The following ZMYND8 variants were observed in gnomAD, a reference collection of about 807,000 sequenced individuals.
ZMYND8 encodes the protein zinc finger MYND-type containing 8, also known as MYND-type zinc finger-containing chromatin reader ZMYND8.
Under a neutral mutation model 140.8 loss-of-function variants are expected in ZMYND8, and 37 were observed. The ratio of observed to expected loss-of-function variants is 0.26; its 90% confidence interval spans 0.20 to 0.35. The LOEUF (loss-of-function observed/expected upper bound fraction) is 0.35, where lower values mean the gene tolerates loss of function less well. Among genes scored for constraint, ZMYND8 ranks in the 10% least tolerant of loss-of-function variants. The pLI is 1.00. For synonymous variants in ZMYND8, 592 were observed against 597.1 expected (o/e 0.99, Z 0.12); for missense variants, 1,068 against 1,570.0 (o/e 0.68, Z 5.40).
chr20:47,237,154 T>TC (rs1306257722), intron 15 of ZMYND8, among the ~76,000 whole-genome samples: 1 of 145,330 alleles, frequency 6.9e-6, no homozygotes, highest in East Asian at 2.0e-4. Flanking sequence ...AGCGCTCTTT[T>TC]TTTTTTTTTT....
intron 12 of ZMYND8, among the ~76,000 whole-genome samples, chr20:47,252,275 G>A (rs1200633209): frequency 8.6e-6 from 1 of 116,300 alleles, no homozygotes; most frequent in Non-Finnish European, 1.6e-5. Context: ...CTGGGCGACA[G>A]AGCAAGACTC....
At chr20:47,338,935 C>T (rs1005802262) in intron 2 of ZMYND8, among the ~76,000 whole-genome samples, 3 of 151,786 alleles carry the variant, frequency 2.0e-5, no homozygotes, top group African/African-American at 7.3e-5. Context: ...TATCTGGTCC[C>T]GAGCCTGCCT....
At chr20:47,355,526 T>G (rs546222554) in intron 1 of ZMYND8, 3 of 985,270 alleles carry the variant, frequency 3.0e-6, no homozygotes, top group Admixed American at 6.1e-5. Context: ...TGGGACTTGA[T>G]CAAAAAGGAA....
chr20:47,294,193 C>CA (rs34322080), intron 5 of ZMYND8, among the ~76,000 whole-genome samples: 39,799 of 146,342 alleles, frequency 0.27, 5,433 homozygotes, highest in Non-Finnish European at 0.33. Flanking sequence ...ACTAAAAATA[C>CA]AAAAAAAAAA....
intron 1 of ZMYND8, chr20:47,352,502 C>T: frequency 1.0e-6 from 1 of 985,408 alleles, no homozygotes; most frequent in Non-Finnish European, 1.2e-6. Context: ...TCTGACCACC[C>T]CCAACAGAGC....
chr20:47,346,879 A>G (rs1463854796), intron 2 of ZMYND8, among the ~76,000 whole-genome samples: 1 of 152,236 alleles, frequency 6.6e-6, no homozygotes, highest in East Asian at 1.9e-4. Context: ...TGCTGGGATT[A>G]CAGGCATGAG....
intron 6 of ZMYND8, among the ~76,000 whole-genome samples, chr20:47,291,397 C>T (rs2077255216): frequency 6.6e-6 from 1 of 152,170 alleles, no homozygotes; most frequent in South Asian, 2.1e-4. Context: ...TAAGAAGCCA[C>T]ATCTTTATTG....
At chr20:47,216,328 T>C (rs1212747801) in intron 21 of ZMYND8, among the ~76,000 whole-genome samples, 1 of 151,516 alleles carries the variant, frequency 6.6e-6, no homozygotes, top group Non-Finnish European at 1.5e-5. Context: ...ACCTTGTCTC[T>C]ATTAAAAATA....
Position 47,249,363 on chromosome 20 carries a change from G to C in ZMYND8, c.1698C>G (p.Ile566Met). The change falls in exon 13 of 23, where the codon ATC becomes ATG. Residue 566 changes from isoleucine to methionine, a missense_variant. This residue lies in a region of ZMYND8 where 173 missense variants were observed against 223.3 expected (regional missense o/e 0.77). Coordinates refer to ENST00000471951, the MANE Select transcript of ZMYND8 (RefSeq NM_001281775.3). ...TGCTACGAATCTGGCGCTTGGGAGA[G>C]ATGAGAGGAACAGGGGTGGACTGTT... ...VQQQSTPVPL[I>M]SPKRQIRSRF... 1 of 1,614,166 alleles carries C rather than the reference G, an allele frequency of 6.2e-7. No individual in the cohort carries two copies. Among genetic ancestry groups the C allele is most frequent in the Non-Finnish European group, 8.5e-7 (1 of 1,180,024 alleles).
In ZMYND8 at chr20:47,222,404, C is replaced by T. The variant is rs537097405; in HGVS notation, c.3257-930G>A. Among the ~76,000 whole-genome samples, 4 of 152,214 alleles carry T rather than the reference C, an allele frequency of 2.6e-5. No individual in the cohort carries two copies. In the East Asian group the frequency reaches 7.7e-4, roughly 29 times the overall value. ...ACAAAAAATTAGCCAGGCGTGGTGG[C>T]GGGCACCTGTAGTCCCAGCTACTAG... On this transcript the variant is annotated intron_variant, in intron 19 of 22. Coordinates refer to ENST00000471951, the MANE Select transcript of ZMYND8 (RefSeq NM_001281775.3).
At chr20:47,255,336 T>C (rs2074511983) in intron 12 of ZMYND8, among the ~76,000 whole-genome samples, 2 of 151,982 alleles carry the variant, frequency 1.3e-5, no homozygotes, top group Non-Finnish European at 2.9e-5. Flanking sequence ...TTTGAAATTT[T>C]TGTTACCATA....
intron 1 of ZMYND8, chr20:47,352,456 C>G: frequency 1.0e-6 from 1 of 985,202 alleles, no homozygotes; most frequent in South Asian, 4.7e-5. Context: ...GAAAACATTC[C>G]CTTATCCAAT....
intron 6 of ZMYND8, among the ~76,000 whole-genome samples, chr20:47,291,097 T>C (rs1202361909): frequency 1.3e-5 from 2 of 152,204 alleles, no homozygotes; most frequent in South Asian, 4.1e-4. Flanking sequence ...CCATCTCTTT[T>C]GAATGCCTCC....
At chr20:47,321,337 T>A (rs774965927) in intron 2 of ZMYND8, among the ~76,000 whole-genome samples, 2 of 152,118 alleles carry the variant, frequency 1.3e-5, no homozygotes, top group African/African-American at 2.4e-5. Context: ...CCAGGGGACA[T>A]CTGGCAATGT....
At chr20:47,293,723 T>C (rs1394219202) in intron 5 of ZMYND8, among the ~76,000 whole-genome samples, 4 of 152,198 alleles carry the variant, frequency 2.6e-5, no homozygotes, top group Non-Finnish European at 5.9e-5. Flanking sequence ...CCAGTCAGAA[T>C]TTTCAATCCC....
intron 2 of ZMYND8, among the ~76,000 whole-genome samples, chr20:47,334,609 T>A (rs537377023): frequency 0.013 from 1,924 of 143,422 alleles, 42 homozygotes; most frequent in African/African-American, 0.044. Context: ...AAAAAAAATA[T>A]ATATATATAT....
rs142553882 is a variant in ZMYND8, at chr20:47,244,378, T to C, written c.2284+1630A>G. Among the ~76,000 whole-genome samples, 503 of 152,340 alleles carry C rather than the reference T, an allele frequency of 3.3e-3. 5 individuals carry two copies. The highest frequency in any genetic ancestry group is 0.025 in the South Asian group (121 of 4,822). On this transcript the variant is annotated intron_variant, in intron 14 of 22. Transcript: ENST00000471951. Reference sequence around the variant, plus strand: ...CTTAGTTAATTCTTCAGTATCTTTATTGAGCATGTTGAATCCTCTAACCTA... The same window carrying C: ...CTTAGTTAATTCTTCAGTATCTTTACTGAGCATGTTGAATCCTCTAACCTA...
At chr20:47,326,888 T>C (rs2080466304) in intron 2 of ZMYND8, among the ~76,000 whole-genome samples, 1 of 152,124 alleles carries the variant, frequency 6.6e-6, no homozygotes, top group Admixed American at 6.6e-5. Context: ...TAAATATTTG[T>C]CTTACAACAC....
At chr20:47,220,097 C>A (rs2036719350) in intron 21 of ZMYND8, among the ~76,000 whole-genome samples, 161 bp downstream of exon 21, 1 of 151,940 alleles carries the variant, frequency 6.6e-6, no homozygotes, top group Non-Finnish European at 1.5e-5. Context: ...ACATGCTCAG[C>A]TACCCCCTCA....
Sources: gnomAD v4.1 joint callset for allele counts (sites outside exome capture counted in the v4.1 genomes callset) on GRCh38, gnomAD v4.1.1 for gene constraint, gnomAD v4.1.1 regional missense constraint, MANE v1.5 for transcripts, NCBI Gene and HGNC (gene_info 2026-07-23, HGNC 2026-07-21) for gene names.